Variants in COL6A6 observed in about 807,000 individuals in gnomAD.
COL6A6 encodes the protein collagen alpha-6(VI) chain.
Under a neutral mutation model 208.6 loss-of-function variants are expected in COL6A6, and 183 were observed. The ratio of observed to expected loss-of-function variants is 0.88; its 90% CI spans 0.78 to 0.99. COL6A6 has a LOEUF of 0.99. COL6A6 is among the 50% of genes least tolerant of loss of function. The pLI is 0.00. For synonymous variants in COL6A6, 973 were observed against 1,011.8 expected (o/e 0.96, Z 0.73); for missense variants, 2,816 against 2,815.2 (o/e 1.00, Z -0.01).
intron 7 of COL6A6, among the ~76,000 whole-genome samples, chr3:130,572,302 T>C (rs1287264284): frequency 6.6e-6 from 1 of 152,238 alleles, no homozygotes; most frequent in South Asian, 2.1e-4. Context: ...ATGTATTCCT[T>C]CCTTCATCAT....
At chr3:130,647,839 C>T (rs2065506718) in intron 32 of COL6A6, among the ~76,000 whole-genome samples, 2 of 152,240 alleles carry the variant, frequency 1.3e-5, no homozygotes, top group South Asian at 2.1e-4. Flanking sequence ...AAACACATCA[C>T]TGGGGTGTCC....
chr3:130,641,911 G>A (rs1346680780), intron 29 of COL6A6, among the ~76,000 whole-genome samples, 197 bp downstream of exon 29: 1 of 152,132 alleles, frequency 6.6e-6, no homozygotes, highest in Non-Finnish European at 1.5e-5. Context: ...CATCTCTTGA[G>A]AGAGAGGGGA....
rs1488657145 is a variant in COL6A6, at chr3:130,563,602, C to G, written c.599C>G (p.Thr200Arg). The change falls in exon 3 of 37, where the codon ACA becomes AGA. Residue 200 changes from threonine (T) to arginine (R), a missense_variant. Coordinates refer to ENST00000358511, the MANE Select transcript of COL6A6 (RefSeq NM_001102608.3). The part of the protein sequence containing the change: ...RDLSMFSQNM[T>R]HIIKDVIKYK... ...CTCAGCATGTTTTCCCAAAACATGACACACATCATCAAGGATGTAATAAAG... is the reference window on the plus strand; with the variant it reads ...CTCAGCATGTTTTCCCAAAACATGAGACACATCATCAAGGATGTAATAAAG... 14 of 1,613,938 alleles carry G rather than the reference C, an allele frequency of 8.7e-6. No individual in the cohort carries two copies. The highest frequency in any genetic ancestry group is 1.2e-5 in the Non-Finnish European group (14 of 1,179,860).
chr3:130,655,982 T>C (rs2108435727), intron 33 of COL6A6, among the ~76,000 whole-genome samples: 1 of 152,334 alleles, frequency 6.6e-6, no homozygotes, highest in Admixed American at 6.5e-5. Flanking sequence ...AGGCTGTGGC[T>C]GGACCAGGTG....
chr3:130,634,212 AATAAAT>A lies in COL6A6; in HGVS notation c.4993-376_4993-371del, dbSNP rs1276218536. Among the ~76,000 whole-genome samples, 2 of 53,480 alleles carry A rather than the reference AATAAAT, an allele frequency of 3.7e-5. 1 individual carries two copies. Among genetic ancestry groups the A allele is most frequent in the African/African-American group, 6.1e-4 (2 of 3,300 alleles). The allele number at this position is 53,480 out of a possible 152,430, so 35.1% of individuals were successfully genotyped here. A position where few individuals can be genotyped will look rare whatever the true frequency, so the allele number is the denominator to read the frequency against. On this transcript the variant is annotated intron_variant, in intron 26 of 36. Transcript: ENST00000358511. The stretch of plus-strand genomic sequence containing the variant: ...CAAGCTATAAAATGTTAAAAAAAAA[AATAAAT>A]AAATAAATAAATAAATAAATAAATA...
At chr3:130,647,034 G>A (rs1036903886) in intron 32 of COL6A6, among the ~76,000 whole-genome samples, 1 of 152,166 alleles carries the variant, frequency 6.6e-6, no homozygotes, top group Non-Finnish European at 1.5e-5. Flanking sequence ...CAGTGGTTTG[G>A]GCTGATCCTT....
rs532735249 is a variant in COL6A6 at position 130,557,652 on chromosome 3, G to A, written c.-31-2682G>A. ...GTATCCTGCATACCTTATTTTAAAGGAAGAATATTTATCTTAATTTTGCTG... is the reference window on the plus strand; with the variant it reads ...GTATCCTGCATACCTTATTTTAAAGAAAGAATATTTATCTTAATTTTGCTG... On this transcript the variant is annotated intron_variant, in intron 1 of 36. Transcript: ENST00000358511. Among the ~76,000 whole-genome samples the A allele has an allele frequency of 2.0e-5, 3 of 152,264 alleles. No homozygotes were observed. The East Asian group carries it at 5.8e-4, about 29-fold the overall frequency.
At chr3:130,573,265 T>G (rs1331187722) in intron 7 of COL6A6, among the ~76,000 whole-genome samples, 1 of 152,238 alleles carries the variant, frequency 6.6e-6, no homozygotes, top group Non-Finnish European at 1.5e-5. Flanking sequence ...ATGTGTGTTT[T>G]GTTTTCTCTT....
At chr3:130,657,283 G>A (rs2065817941) in intron 33 of COL6A6, among the ~76,000 whole-genome samples, 1 of 152,256 alleles carries the variant, frequency 6.6e-6, no homozygotes, top group African/African-American at 2.4e-5. Context: ...CTGAATGAGT[G>A]GGACAAGCCT....
In COL6A6 at chr3:130,649,238, C is replaced by A; in HGVS notation, c.5409C>A (p.Leu1803=). The A allele has an allele frequency of 6.3e-7, 1 of 1,593,310 alleles. No individual in the cohort carries two copies. Among genetic ancestry groups the A allele is most frequent in the Non-Finnish European group, 8.5e-7 (1 of 1,170,068 alleles). ...CCGTGGGAGCGCACATCGCCATCCT[C>A]TCCTATAACTCCCACGCCAGGCACC... The part of the protein sequence containing the change: ...SCPVGAHIAI[L]SYNSHARHLV... The change falls in exon 33 of 37, where the codon CTC becomes CTA. Residue 1803 remains leucine (L), a synonymous_variant. Coordinates refer to ENST00000358511, the MANE Select transcript of COL6A6 (RefSeq NM_001102608.3).
intron 33 of COL6A6, among the ~76,000 whole-genome samples, chr3:130,649,780 T>A (rs1412735869): frequency 1.3e-5 from 2 of 152,224 alleles, no homozygotes; most frequent in Non-Finnish European, 2.9e-5. Flanking sequence ...TGTTTAATTT[T>A]CACAAGTAGT....
intron 1 of COL6A6, among the ~76,000 whole-genome samples, chr3:130,525,145 G>A (rs1414441653): frequency 1.3e-5 from 2 of 150,028 alleles, no homozygotes; most frequent in Non-Finnish European, 2.9e-5. Flanking sequence ...AAAGAGATTT[G>A]AATTCTGGAT....
intron 1 of COL6A6, among the ~76,000 whole-genome samples, chr3:130,530,712 C>T (rs754902346): frequency 1.7e-4 from 26 of 152,122 alleles, no homozygotes; most frequent in Non-Finnish European, 2.9e-4. Context: ...CACCAGTCTC[C>T]GTGTTGCTGT....
intron 4 of COL6A6, among the ~76,000 whole-genome samples, chr3:130,565,903 T>A (rs2107891223): frequency 6.6e-6 from 1 of 152,350 alleles, no homozygotes; most frequent in South Asian, 2.1e-4. Flanking sequence ...TTTTTCTCTC[T>A]TCTTTTGTCT....
chr3:130,604,450 G>A (rs1040703303), intron 20 of COL6A6, among the ~76,000 whole-genome samples: 1 of 150,166 alleles, frequency 6.7e-6, no homozygotes, highest in African/African-American at 2.5e-5. Flanking sequence ...AGCCGAAATC[G>A]CGCCACTGCA....
chr3:130,575,515 A>T (rs1401661273), intron 8 of COL6A6, among the ~76,000 whole-genome samples: 2 of 152,206 alleles, frequency 1.3e-5, no homozygotes, highest in Non-Finnish European at 2.9e-5. Context: ...ATCCCAGTGT[A>T]ATGTTAAAAC....
intron 22 of COL6A6, among the ~76,000 whole-genome samples, chr3:130,609,267 G>T (rs1490234774): frequency 6.6e-6 from 1 of 152,172 alleles, no homozygotes; most frequent in Non-Finnish European, 1.5e-5. Context: ...TTGAACCTCA[G>T]ATCTGGGAAT....
At chr3:130,579,835 C>T (rs938986952) in intron 8 of COL6A6, among the ~76,000 whole-genome samples, 2 of 152,114 alleles carry the variant, frequency 1.3e-5, no homozygotes, top group South Asian at 4.1e-4. Flanking sequence ...TGCATGAGAG[C>T]CTCTTGCTCA....
chr3:130,634,210 A>AAAATAAATAAAT (rs1182265813), intron 26 of COL6A6, among the ~76,000 whole-genome samples: 1 of 50,322 alleles, frequency 2.0e-5, no homozygotes, highest in Non-Finnish European at 2.9e-5. Context: ...GTTAAAAAAA[A>AAAATAAATAAAT]AAATAAATAA....
Sources: allele counts gnomAD v4.1 joint callset (sites outside exome capture counted in the v4.1 genomes callset), GRCh38; gene constraint gnomAD v4.1.1; transcripts MANE v1.5; gene names NCBI Gene and HGNC (gene_info 2026-07-23, HGNC 2026-07-21).